The following PITX3 variants were observed in gnomAD, a reference collection of about 807,000 sequenced individuals.
PITX3 encodes the protein pituitary homeobox 3.
A neutral mutation model predicts 14.2 loss-of-function variants in PITX3; 4 were observed. The observed-to-expected ratio is 0.28, with a 90% CI of 0.14 to 0.65. The LOEUF (loss-of-function observed/expected upper bound fraction) is 0.65. PITX3 is among the 30% of genes least tolerant of loss of function. The pLI, the probability that PITX3 is intolerant of heterozygous loss-of-function variation, is 0.82. For synonymous variants in PITX3, 194 were observed against 204.5 expected (o/e 0.95, Z 0.44); for missense variants, 358 against 426.8 (o/e 0.84, Z 1.42).
rs1448272192 is a variant in PITX3 at position 102,230,497 on chromosome 10, T to G, written c.*17A>C. On this transcript the variant is annotated 3_prime_UTR_variant, in exon 4 of 4. Coordinates refer to ENST00000370002, the MANE Select transcript of PITX3 (RefSeq NM_005029.4). The stretch of plus-strand genomic sequence containing the variant: ...TCGTTGCCCCCGCCCTCGGGGATGA[T>G]CTACGGGCGGGGCCGCTCATACGGG... The G allele has an allele frequency of 6.3e-7, 1 of 1,599,938 alleles. No individual in the cohort carries two copies. The highest frequency in any genetic ancestry group is 1.7e-5 in the Admixed American group (1 of 58,660).
chr10:102,231,002 C>A lies in PITX3; in HGVS notation c.421G>T (p.Val141Leu). ...GSFAAPLGGL[V>L]PPYEEVYPGY... The stretch of plus-strand genomic sequence containing the variant: ...GGGTACACCTCCTCGTAGGGCGGCA[C>A]CAGCCCCCCGAGCGGCGCCGCGAAG... The change falls in exon 4 of 4, where the codon GTG becomes TTG. Residue 141 changes from valine (V) to leucine (L), a missense_variant. Physicochemically the swap from Val to Leu is conservative, Grantham distance 32. Coordinates refer to ENST00000370002, the MANE Select transcript of PITX3 (RefSeq NM_005029.4). 1 of 1,599,914 alleles carries A rather than the reference C, an allele frequency of 6.3e-7. No homozygotes were observed. The highest frequency in any genetic ancestry group is 8.5e-7 in the Non-Finnish European group (1 of 1,175,098).
chr10:102,232,228 C>T, intron 1 of PITX3, 136 bp from the exon 2 acceptor site: 1 of 639,824 alleles, frequency 1.6e-6, no homozygotes, highest in Admixed American at 2.4e-5. Flanking sequence ...GCGTGGGGCT[C>T]CTTAGGATAG....
intron 1 of PITX3, among the ~76,000 whole-genome samples, chr10:102,235,833 A>G (rs1488118882): frequency 6.6e-6 from 1 of 152,206 alleles, no homozygotes; most frequent in Non-Finnish European, 1.5e-5. Flanking sequence ...GAGATAGGCA[A>G]CACATGCTGT....
chr10:102,232,888 T>C (rs1456396113), intron 1 of PITX3, among the ~76,000 whole-genome samples: 3 of 152,164 alleles, frequency 2.0e-5, no homozygotes, highest in Admixed American at 2.0e-4. Context: ...ACCTGATATT[T>C]CTCCCTTAAG....
At chr10:102,239,715 G>T (rs1434371412) in intron 1 of PITX3, among the ~76,000 whole-genome samples, 1 of 152,204 alleles carries the variant, frequency 6.6e-6, no homozygotes, top group Non-Finnish European at 1.5e-5. Context: ...TGAAAACTCA[G>T]TCCCCAGCTG....
intron 1 of PITX3, among the ~76,000 whole-genome samples, chr10:102,239,524 G>A (rs1236407487): frequency 1.3e-5 from 2 of 152,150 alleles, no homozygotes; most frequent in Non-Finnish European, 2.9e-5. Context: ...ATCAAAATAG[G>A]GCAAATGAAA....
intron 1 of PITX3, among the ~76,000 whole-genome samples, chr10:102,238,045 C>T (rs1370182203): frequency 1.3e-5 from 2 of 152,084 alleles, no homozygotes; most frequent in Admixed American, 6.5e-5. Context: ...AAACTATTAA[C>T]TGAAAGGTGT....
chr10:102,239,259 G>A (rs1436288292), intron 1 of PITX3, among the ~76,000 whole-genome samples: 2 of 152,216 alleles, frequency 1.3e-5, no homozygotes, highest in Non-Finnish European at 2.9e-5. Flanking sequence ...ATGCAAGGGT[G>A]GGAAAAGGTT....
rs1221062584 is a variant in PITX3 at position 102,240,395 on chromosome 10, G to C, written c.-13+938C>G. On this transcript the variant is annotated intron_variant, in intron 1 of 3. Coordinates refer to ENST00000370002, the MANE Select transcript of PITX3 (RefSeq NM_005029.4). ...TGTGTCCCAGCCCACCTCACCCCAA[G>C]GCCAGGTTGTAGCCTTTACTCTCGC... Among the ~76,000 whole-genome samples, 4 of 152,214 alleles carry C rather than the reference G, an allele frequency of 2.6e-5. No homozygotes were observed. In the South Asian group the frequency reaches 6.2e-4, roughly 24 times the overall value.
intron 1 of PITX3, among the ~76,000 whole-genome samples, chr10:102,237,472 C>A (rs755488206): frequency 5.9e-5 from 9 of 152,026 alleles, no homozygotes; most frequent in Non-Finnish European, 1.3e-4. Context: ...ACCGAGGGGG[C>A]CTCCAATGGG....
At position 102,241,118 on chromosome 10, in the gene PITX3, C is replaced by T. The variant is rs1479630829; in HGVS notation, c.-13+215G>A. ...TCAAGTCTCCGGCTTCGTTCCGGAT[C>T]CTCTGAGTCTCCCCCTTCCCTATCC... is the stretch of plus-strand genomic sequence containing the variant. On this transcript the variant is annotated intron_variant, in intron 1 of 3. Transcript: ENST00000370002. The surrounding 1 kb of genome is among the most constrained non-coding windows in gnomAD (Gnocchi z 6.7). 6.6e-6 allele frequency among the ~76,000 whole-genome samples: 1 copy of T among 152,190 alleles called. No individual in the cohort carries two copies. Among genetic ancestry groups the T allele is most frequent in the Non-Finnish European group, 1.5e-5 (1 of 68,026 alleles).
chr10:102,231,447 C>G (rs1564991651), intron 3 of PITX3, 141 bp downstream of exon 3: 1 of 627,142 alleles, frequency 1.6e-6, no homozygotes, highest in East Asian at 2.8e-5. Context: ...CAAGAGACCG[C>G]GTGGGGCTGC....
intron 1 of PITX3, among the ~76,000 whole-genome samples, chr10:102,239,642 G>C (rs1412360673): frequency 6.6e-6 from 1 of 152,230 alleles, no homozygotes; most frequent in African/African-American, 2.4e-5. Context: ...TGAAGGGTAA[G>C]AAAGGTTGAA....
At chr10:102,235,063 T>C (rs1433915269) in intron 1 of PITX3, among the ~76,000 whole-genome samples, 1 of 151,906 alleles carries the variant, frequency 6.6e-6, no homozygotes, top group African/African-American at 2.4e-5. Context: ...CTCCCACACA[T>C]GCGCTGCCAC....
At position 102,232,010 on chromosome 10, in the gene PITX3, G is replaced by T; in HGVS notation, c.71C>A (p.Pro24Gln). The T allele has an allele frequency of 6.2e-7, 1 of 1,610,016 alleles. No homozygotes were observed. ...PALSLSDAGT[P>Q]HPQLPEHGCK... ...GCCGTGCTCTGGGAGCTGGGGGTGC[G>T]GAGTGCCAGCGTCTGACAGCGACAG... The change falls in exon 2 of 4, where the codon CCG becomes CAG. Residue 24 changes from proline to glutamine, a missense_variant. Physicochemically the swap from Pro to Gln is moderately conservative, Grantham distance 76. This residue lies in a region of PITX3 where 72 missense variants were observed against 79.9 expected (regional missense o/e 0.90). Coordinates refer to ENST00000370002, the MANE Select transcript of PITX3 (RefSeq NM_005029.4).
intron 1 of PITX3, among the ~76,000 whole-genome samples, chr10:102,234,837 T>C (rs1336101972): frequency 6.6e-6 from 1 of 152,066 alleles, no homozygotes; most frequent in African/African-American, 2.4e-5. Flanking sequence ...AATTACCCTG[T>C]CCCCGGCATT....
In PITX3 at chr10:102,230,573, C is replaced by T; in HGVS notation, c.850G>A (p.Gly284Arg). The T allele has an allele frequency of 6.2e-7, 1 of 1,611,508 alleles. No homozygotes were observed. Among genetic ancestry groups the T allele is most frequent in the Middle Eastern group, 1.7e-4 (1 of 5,950 alleles). ...CTAAGGTTGGCTGCCGGGGGCGGCC[C>T]GTGCACAGCGGGGTAGCTGAAGGAG... The part of the protein sequence containing the change: ...HASFSYPAVH[G>R]PPPAANLSPC... Residue 284 changes from glycine to arginine, a missense_variant, in exon 4 of 4, where the codon GGG becomes AGG. Gly to Arg is a moderately radical substitution (Grantham distance 125). Transcript: ENST00000370002.
intron 1 of PITX3, among the ~76,000 whole-genome samples, chr10:102,236,024 C>A (rs950780800): frequency 1.1e-4 from 16 of 152,106 alleles, no homozygotes; most frequent in Middle Eastern, 3.2e-3. Flanking sequence ...AGGGACCTGA[C>A]CGTGAAACTG....
intron 1 of PITX3, 125 bp from the exon 2 acceptor site, chr10:102,232,217 T>G (rs1204577684): frequency 3.0e-6 from 2 of 656,334 alleles, no homozygotes; most frequent in Non-Finnish European, 5.6e-6. Context: ...AAGCTGGGGC[T>G]GCGTGGGGCT....
Sources: allele counts gnomAD v4.1 joint callset (sites outside exome capture counted in the v4.1 genomes callset), GRCh38; gene constraint gnomAD v4.1.1; regional missense constraint gnomAD v4.1.1; non-coding constraint Gnocchi (gnomAD v3.1); transcripts MANE v1.5; gene names NCBI Gene and HGNC (gene_info 2026-07-23, HGNC 2026-07-21).